The following NSMCE2 variants were observed in gnomAD, a reference collection of about 807,000 sequenced individuals.
NSMCE2 encodes NSE2 SUMO ligase component of SMC5/6 complex, also known as E3 SUMO-protein ligase NSE2.
In NSMCE2, 24 loss-of-function variants were observed where a neutral mutation model predicts 23.8. The observed-to-expected ratio is 1.01, with a 90% CI of 0.73 to 1.42. The LOEUF (loss-of-function observed/expected upper bound fraction) is 1.42. Among genes scored for constraint, NSMCE2 ranks in the 40% most tolerant of loss-of-function variants. The pLI is 0.00. For synonymous variants in NSMCE2, 92 were observed against 94.1 expected, an observed-to-expected ratio of 0.98 and a Z score of 0.13; for missense variants, 284 against 296.5, an observed-to-expected ratio of 0.96 and a Z score of 0.31.
At chr8:125,151,378 T>G (rs949773428) in intron 4 of NSMCE2, 101 bp downstream of exon 4, 1 of 601,412 alleles carries the variant, frequency 1.7e-6, no homozygotes, top group Non-Finnish European at 3.0e-6. Flanking sequence ...TAATGTTTCC[T>G]TATCCTTAAT....
At chr8:125,161,839 G>A (rs923284147) in intron 4 of NSMCE2, among the ~76,000 whole-genome samples, 2 of 151,256 alleles carry the variant, frequency 1.3e-5, no homozygotes, top group African/African-American at 2.4e-5. Flanking sequence ...AGTAGAATAT[G>A]ATTGCACCAC....
chr8:125,177,587 C>T (rs1822560740), intron 4 of NSMCE2, among the ~76,000 whole-genome samples: 1 of 152,206 alleles, frequency 6.6e-6, no homozygotes, highest in Non-Finnish European at 1.5e-5. Context: ...GCGGGCCAGA[C>T]ACTAGGGACA....
intron 5 of NSMCE2, among the ~76,000 whole-genome samples, chr8:125,195,374 C>T (rs1318606786): frequency 1.3e-5 from 2 of 151,978 alleles, no homozygotes; most frequent in African/African-American, 4.8e-5. Context: ...GCGCTCTAAA[C>T]GATACAAATC....
chr8:125,211,972 C>T (rs535272063), intron 5 of NSMCE2, among the ~76,000 whole-genome samples: 36 of 152,220 alleles, frequency 2.4e-4, no homozygotes, highest in Non-Finnish European at 3.5e-4. Flanking sequence ...CTTGTCAGAC[C>T]AGGTATCCTC....
intron 5 of NSMCE2, among the ~76,000 whole-genome samples, chr8:125,306,606 A>T (rs1476126293): frequency 6.6e-6 from 1 of 152,194 alleles, no homozygotes; most frequent in Non-Finnish European, 1.5e-5. Context: ...AAAATGTGAA[A>T]ATAGCACGTT....
intron 5 of NSMCE2, among the ~76,000 whole-genome samples, chr8:125,189,311 A>G (rs888486398): frequency 6.6e-5 from 10 of 152,208 alleles, no homozygotes; most frequent in Non-Finnish European, 5.9e-5. Context: ...TCCTGCATCC[A>G]TTGGCTGGAG....
chr8:125,316,141 G>A (rs7004739), intron 5 of NSMCE2, among the ~76,000 whole-genome samples: 68,030 of 152,036 alleles, frequency 0.45, 17,609 homozygotes, highest in Admixed American at 0.55. Context: ...GATGATAACA[G>A]ATGCCATCCC....
intron 5 of NSMCE2, among the ~76,000 whole-genome samples, chr8:125,289,622 G>A (rs1828032484): frequency 6.6e-6 from 1 of 152,174 alleles, no homozygotes; most frequent in African/African-American, 2.4e-5. Flanking sequence ...TTCAGTGTCT[G>A]ACATGGCTCT....
intron 5 of NSMCE2, among the ~76,000 whole-genome samples, chr8:125,286,637 C>T (rs898500748): frequency 4.6e-5 from 7 of 152,094 alleles, no homozygotes; most frequent in Non-Finnish European, 8.8e-5. Context: ...TATGTGCCAT[C>T]ATACACATAC....
At chr8:125,333,204 C>G (rs1159232394) in intron 5 of NSMCE2, among the ~76,000 whole-genome samples, 2 of 151,834 alleles carry the variant, frequency 1.3e-5, no homozygotes, top group African/African-American at 2.4e-5. Flanking sequence ...GAGTCTCGCT[C>G]TGTCGCCAAG....
At chr8:125,109,269 C>T (rs1234034984) in intron 3 of NSMCE2, among the ~76,000 whole-genome samples, 3 of 152,114 alleles carry the variant, frequency 2.0e-5, no homozygotes, top group Non-Finnish European at 4.4e-5. Context: ...TTATAAAAGG[C>T]ATTATTGTGG....
chr8:125,224,669 A>G (rs1164903047), intron 5 of NSMCE2, among the ~76,000 whole-genome samples: 11 of 152,188 alleles, frequency 7.2e-5, no homozygotes, highest in Admixed American at 7.2e-4. Flanking sequence ...GTGAGTGGTA[A>G]CAATTTTAAC....
At chr8:125,312,337 G>A (rs1829003744) in intron 5 of NSMCE2, among the ~76,000 whole-genome samples, 1 of 151,542 alleles carries the variant, frequency 6.6e-6, no homozygotes, top group South Asian at 2.1e-4. Flanking sequence ...TTATAAATGT[G>A]TATTGTGGCC....
At chr8:125,315,307 C>G (rs1235472024) in intron 5 of NSMCE2, among the ~76,000 whole-genome samples, 3 of 152,072 alleles carry the variant, frequency 2.0e-5, no homozygotes, top group Non-Finnish European at 4.4e-5. Flanking sequence ...ACCTCAAAGC[C>G]CCAGCTTCCA....
chr8:125,172,255 G>A (rs757701221), intron 4 of NSMCE2, among the ~76,000 whole-genome samples: 3 of 152,144 alleles, frequency 2.0e-5, no homozygotes, highest in Non-Finnish European at 2.9e-5. Context: ...ACAGGCAAAG[G>A]ACTGAGGTGG....
intron 5 of NSMCE2, among the ~76,000 whole-genome samples, chr8:125,258,129 G>A (rs1469414149): frequency 1.3e-5 from 2 of 152,254 alleles, no homozygotes; most frequent in South Asian, 2.1e-4. Context: ...AGTAAGTGTG[G>A]GTATAGATGT....
At chr8:125,306,960 T>C (rs1398095611) in intron 5 of NSMCE2, among the ~76,000 whole-genome samples, 1 of 152,198 alleles carries the variant, frequency 6.6e-6, no homozygotes, top group Non-Finnish European at 1.5e-5. Flanking sequence ...ATGGCATATA[T>C]AGAGTAAGCA....
At chr8:125,270,671 G>A (rs1422624365) in intron 5 of NSMCE2, 2 of 152,230 alleles carry the variant, frequency 1.3e-5, no homozygotes, top group Non-Finnish European at 2.9e-5. Flanking sequence ...GATCGCTTGA[G>A]GCCGGCAATT....
At chr8:125,151,138 G>T in intron 3 of NSMCE2, 33 bp from the exon 4 acceptor site, 1 of 1,192,420 alleles carries the variant, frequency 8.4e-7, no homozygotes, top group African/African-American at 1.5e-5. Flanking sequence ...ATTTTAAATG[G>T]AAAATAATAA....
Sources: allele counts gnomAD v4.1 joint callset (sites outside exome capture counted in the v4.1 genomes callset), GRCh38; gene constraint gnomAD v4.1.1; transcripts MANE v1.5; gene names NCBI Gene and HGNC (gene_info 2026-07-23, HGNC 2026-07-21).